PCSK5: variants seen among roughly 807,000 people sequenced by gnomAD.
The protein encoded by PCSK5 is proprotein convertase subtilisin/kexin type 5.
Under a neutral mutation model 233.2 loss-of-function variants are expected in PCSK5, and 129 were observed. That is an observed-to-expected ratio of 0.55 (90% confidence interval 0.48 to 0.64). The LOEUF (loss-of-function observed/expected upper bound fraction) is 0.64. PCSK5 is among the 30% of genes least tolerant of loss of function. The pLI, the probability that PCSK5 is intolerant of heterozygous loss-of-function variation, is 0.00. For missense variants in PCSK5, 2,076 were observed against 2,430.1 expected (o/e 0.85, Z 3.06); for synonymous variants, 825 against 879.2 (o/e 0.94, Z 1.09).
At chr9:76,320,466 T>TTC (rs1491233045) in intron 30 of PCSK5, among the ~76,000 whole-genome samples, 4 of 36,978 alleles carry the variant, frequency 1.1e-4, no homozygotes, top group South Asian at 8.1e-4. Flanking sequence ...ACATTGTAGC[T>TTC]TTTTTTTTTT....
At chr9:76,282,864 G>C (rs1475193877) in intron 24 of PCSK5, among the ~76,000 whole-genome samples, 1 of 152,184 alleles carries the variant, frequency 6.6e-6, no homozygotes, top group East Asian at 1.9e-4. Flanking sequence ...CATGGGAGGA[G>C]GTCAAGATAG....
At chr9:76,187,696 T>C (rs1824172469) in intron 17 of PCSK5, among the ~76,000 whole-genome samples, 2 of 152,126 alleles carry the variant, frequency 1.3e-5, no homozygotes, top group African/African-American at 2.4e-5. Flanking sequence ...TGCTTTCAAT[T>C]TTAAGAATTA....
At chr9:76,037,292 C>T (rs1050546236) in intron 5 of PCSK5, among the ~76,000 whole-genome samples, 5 of 152,120 alleles carry the variant, frequency 3.3e-5, no homozygotes, top group Admixed American at 2.6e-4. Flanking sequence ...GAGAATGTCT[C>T]AGAGAAGCTG....
At chr9:75,893,623 A>G (rs972876873) in intron 1 of PCSK5, among the ~76,000 whole-genome samples, 26 of 152,220 alleles carry the variant, frequency 1.7e-4, no homozygotes, top group Non-Finnish European at 1.0e-4. Context: ...TCCACTTTTG[A>G]ACAAGCAAAC....
At chr9:76,109,835 C>T (rs963284783) in intron 9 of PCSK5, among the ~76,000 whole-genome samples, 7 of 152,258 alleles carry the variant, frequency 4.6e-5, no homozygotes, top group East Asian at 3.9e-4. Flanking sequence ...ACGGGAAAGA[C>T]GTGTGAGTAC....
At chr9:76,125,504 A>G (rs1832812627) in intron 9 of PCSK5, among the ~76,000 whole-genome samples, 1 of 152,180 alleles carries the variant, frequency 6.6e-6, no homozygotes, top group African/African-American at 2.4e-5. Flanking sequence ...TGATGTTCTT[A>G]TTTTGGAAAT....
In PCSK5 at chr9:76,072,613, A is replaced by G. The variant is rs549884262; in HGVS notation, c.894+715A>G. On this transcript the variant is annotated intron_variant, in intron 7 of 37. Coordinates refer to ENST00000674117, the MANE Select transcript of PCSK5 (RefSeq NM_001372043.1). ...CATGAATGGACCTTTGGGTGATTTA[A>G]AGCATACAGTTAGTCTTGTTCATTT... 3.3e-5 allele frequency among the ~76,000 whole-genome samples: 5 copies of G among 152,302 alleles called. No homozygotes were observed. In the South Asian group the frequency reaches 1.0e-3, roughly 32 times the overall value.
chr9:76,159,333 G>GC (rs1822745328), intron 12 of PCSK5, among the ~76,000 whole-genome samples, 162 bp downstream of exon 12: 1 of 152,208 alleles, frequency 6.6e-6, no homozygotes, highest in Non-Finnish European at 1.5e-5. Context: ...GTGTGAAGCT[G>GC]CCTATAATCT....
chr9:76,046,155 C>CTTTTT lies in PCSK5; in HGVS notation c.632+19122_632+19123insTTTTT, dbSNP rs1829362984. Among the ~76,000 whole-genome samples the CTTTTT allele has an allele frequency of 2.5e-4, 14 of 55,702 alleles. 1 individual carries two copies. The highest frequency in any genetic ancestry group is 3.6e-4 in the African/African-American group (7 of 19,234). The allele number at this position is 55,702 out of a possible 152,430, so 36.5% of individuals were successfully genotyped here. A position where few individuals can be genotyped will look rare whatever the true frequency, so the allele number is the denominator to read the frequency against. The stretch of plus-strand genomic sequence containing the variant: ...TAGTAGCATTAACACATAATTTTTT[C>CTTTTT]TTTTGTTTTTTTTTTTTTTTTTTTT... On this transcript the variant is annotated intron_variant, in intron 5 of 37. Coordinates refer to ENST00000674117, the MANE Select transcript of PCSK5 (RefSeq NM_001372043.1).
chr9:76,318,728 A>G (rs1829104460), intron 30 of PCSK5, among the ~76,000 whole-genome samples: 2 of 152,330 alleles, frequency 1.3e-5, no homozygotes, highest in Middle Eastern at 3.4e-3. Context: ...CATTTGAAAA[A>G]AGTCATCAGA....
At chr9:76,216,656 G>A (rs1825544466) in intron 20 of PCSK5, among the ~76,000 whole-genome samples, 1 of 152,080 alleles carries the variant, frequency 6.6e-6, no homozygotes, top group South Asian at 2.1e-4. Flanking sequence ...TTAGTATTGG[G>A]GGTCAAAGGG....
intron 25 of PCSK5, among the ~76,000 whole-genome samples, chr9:76,293,157 TC>T (rs1369741076): frequency 7.3e-6 from 1 of 137,330 alleles, no homozygotes; most frequent in African/African-American, 2.8e-5. Context: ...CATTGCCTTT[TC>T]CCTCCATCCA....
chr9:76,273,099 A>T (rs1318873847), intron 24 of PCSK5, among the ~76,000 whole-genome samples: 1 of 152,064 alleles, frequency 6.6e-6, no homozygotes, highest in African/African-American at 2.4e-5. Flanking sequence ...ATCTCTGTAG[A>T]TTCAGCTCTC....
intron 25 of PCSK5, among the ~76,000 whole-genome samples, chr9:76,293,359 T>C (rs1828335606): frequency 6.6e-6 from 1 of 152,220 alleles, no homozygotes; most frequent in African/African-American, 2.4e-5. Context: ...CCTTACGGTT[T>C]TAATCTAACT....
chr9:75,923,412 T>G (rs1248264058), intron 1 of PCSK5, among the ~76,000 whole-genome samples: 2 of 152,088 alleles, frequency 1.3e-5, no homozygotes, highest in Non-Finnish European at 2.9e-5. Flanking sequence ...GATTCCTTCA[T>G]TTTGGGCTTC....
intron 3 of PCSK5, among the ~76,000 whole-genome samples, chr9:76,019,638 GTATT>G (rs1828096500): frequency 6.6e-6 from 1 of 152,064 alleles, no homozygotes; most frequent in Non-Finnish European, 1.5e-5. Flanking sequence ...CATAATAAAG[GTATT>G]TATTTGGGGT....
intron 7 of PCSK5, among the ~76,000 whole-genome samples, chr9:76,076,449 G>A (rs1830649562): frequency 6.6e-6 from 1 of 152,218 alleles, no homozygotes; most frequent in South Asian, 2.1e-4. Context: ...GGCATGACTG[G>A]AAGATTGAAG....
chr9:76,137,480 T>C (rs1251641938), intron 10 of PCSK5, among the ~76,000 whole-genome samples: 1 of 151,176 alleles, frequency 6.6e-6, no homozygotes, highest in African/African-American at 2.4e-5. Context: ...AATAACAATC[T>C]CATAGTATAA....
chr9:75,973,949 A>G (rs113364884), intron 2 of PCSK5, among the ~76,000 whole-genome samples: 115 of 152,194 alleles, frequency 7.6e-4, no homozygotes, highest in African/African-American at 2.7e-3. Flanking sequence ...GACACAACAG[A>G]CTCCAGGGTG....
Sources: gnomAD v4.1 joint callset for allele counts (sites outside exome capture counted in the v4.1 genomes callset) on GRCh38, gnomAD v4.1.1 for gene constraint, MANE v1.5 for transcripts, NCBI Gene and HGNC (gene_info 2026-07-23, HGNC 2026-07-21) for gene names.